The following PHC1 variants were observed in gnomAD, a reference collection of about 807,000 sequenced individuals.
The protein encoded by PHC1 is polyhomeotic-like protein 1.
In PHC1, 12 loss-of-function variants were observed where a neutral mutation model predicts 104.3. That is an observed-to-expected ratio of 0.12 (90% CI 0.07 to 0.19). PHC1 has a LOEUF of 0.19. PHC1 is among the 10% of genes least tolerant of loss of function. PHC1 has a pLI of 1.00. For synonymous variants in PHC1, 302 were observed against 455.8 expected, an observed-to-expected ratio of 0.66 and a Z score of 4.30; for missense variants, 671 against 1,200.0, an observed-to-expected ratio of 0.56 and a Z score of 6.51.
chr12:8,940,196 AGT>A lies in PHC1; in HGVS notation c.*743_*744del, dbSNP rs1253604770. Reference sequence around the variant, plus strand: ...CTGTCCTATAGCTTTATAAAACCAGAGTGTGTGGGGCTGAGGTCAGGAGTATA... The same window carrying A: ...CTGTCCTATAGCTTTATAAAACCAGAGTGTGGGGCTGAGGTCAGGAGTATA... On this transcript the variant is annotated 3_prime_UTR_variant, in exon 15 of 15. Coordinates refer to ENST00000544916, the MANE Select transcript of PHC1 (RefSeq NM_004426.3). The A allele has an allele frequency of 3.5e-6, 1 of 286,674 alleles. No homozygotes were observed. The highest frequency in any genetic ancestry group is 7.0e-6 in the Non-Finnish European group (1 of 142,802). 17.8% of individuals were successfully genotyped at this position (286,674 alleles called of 1,614,324 possible). A position where few individuals can be genotyped will look rare whatever the true frequency, so the allele number is the denominator to read the frequency against.
intron 6 of PHC1, among the ~76,000 whole-genome samples, chr12:8,929,047 A>G (rs1031172023): frequency 2.0e-5 from 3 of 152,202 alleles, no homozygotes; most frequent in African/African-American, 7.2e-5. Flanking sequence ...GTCTTGTGGA[A>G]TTCCTGGGTT....
At chr12:8,921,969 A>G (rs1945379686) in intron 5 of PHC1, among the ~76,000 whole-genome samples, 1 of 152,142 alleles carries the variant, frequency 6.6e-6, no homozygotes, top group Admixed American at 6.5e-5. Context: ...ATGCACCACT[A>G]TACCTGGCTA....
At chr12:8,933,584 T>C (rs1945751918) in intron 8 of PHC1, 2 of 641,460 alleles carry the variant, frequency 3.1e-6, no homozygotes, top group Non-Finnish European at 5.1e-6. Context: ...TAGATCAAGA[T>C]AGCCTTAACC....
chr12:8,921,713 C>T lies in PHC1; in HGVS notation c.419C>T (p.Pro140Leu). 2 of 1,613,054 alleles carry T rather than the reference C, an allele frequency of 1.2e-6. No individual in the cohort carries two copies. Among genetic ancestry groups the T allele is most frequent in the Non-Finnish European group, 1.7e-6 (2 of 1,179,496 alleles). ...QSVLLGNTTSPPLNQSQAQMY... is the reference protein window; with the variant it reads ...QSVLLGNTTSLPLNQSQAQMY... ...GTGCTACTGGGGAACACCACCTCCC[C>T]ACCCCTCAACCAGTCTCAGGCCCAG... is the stretch of plus-strand genomic sequence containing the variant. The change falls in exon 5 of 15, where the codon CCA (proline) becomes CTA (leucine). Residue 140 changes from proline (P) to leucine (L), a missense_variant. Transcript: ENST00000544916.
In PHC1 at chr12:8,919,667, A is replaced by T. The variant is rs1393311822; in HGVS notation, c.115-89A>T. The T allele has an allele frequency of 1.5e-6, 2 of 1,309,016 alleles. No homozygotes were observed. The highest frequency in any genetic ancestry group is 2.5e-5 in the East Asian group (1 of 40,006). 81.1% of individuals were successfully genotyped at this position (1,309,016 alleles called of 1,614,324 possible). On this transcript the variant is annotated intron_variant, in intron 2 of 14. Coordinates refer to ENST00000544916, the MANE Select transcript of PHC1 (RefSeq NM_004426.3). This position sits in a 1 kb window ranked among gnomAD's most constrained non-coding sequence, Gnocchi z 4.9. ...ATCTCCTCTGGTTTCTGTCCTTCCC[A>T]TGGCCCCCTTTCACACAAATACAGT...
intron 6 of PHC1, among the ~76,000 whole-genome samples, chr12:8,929,578 A>G (rs1192091259): frequency 6.7e-6 from 1 of 149,340 alleles, no homozygotes; most frequent in African/African-American, 2.5e-5. Context: ...CCCAGGCTGG[A>G]GTGCAGTGGC....
chr12:8,923,091 G>T (rs1945412137), intron 6 of PHC1, among the ~76,000 whole-genome samples: 1 of 152,102 alleles, frequency 6.6e-6, no homozygotes, highest in South Asian at 2.1e-4. Flanking sequence ...TATTCGGAGA[G>T]TCTTAATTCT....
chr12:8,925,438 T>A (rs1267989453), intron 6 of PHC1, among the ~76,000 whole-genome samples: 1 of 152,122 alleles, frequency 6.6e-6, no homozygotes, highest in Non-Finnish European at 1.5e-5. Flanking sequence ...GGGAAATAAT[T>A]GAGAAAGTAC....
At chr12:8,915,982 T>G (rs1367603036) in intron 1 of PHC1, 1 of 154,394 alleles carries the variant, frequency 6.5e-6, no homozygotes, top group African/African-American at 2.4e-5. Flanking sequence ...TCCAGTGAAC[T>G]AAATCCAGTA....
intron 11 of PHC1, among the ~76,000 whole-genome samples, chr12:8,936,468 A>G (rs1945841416): frequency 6.6e-6 from 1 of 152,202 alleles, no homozygotes; most frequent in African/African-American, 2.4e-5. Context: ...TTTATAATCT[A>G]TCTTAAGGAC....
Position 8,921,075 on chromosome 12 carries a change from C to T in PHC1, c.306+10C>T, listed in dbSNP as rs1262818414. On this transcript the variant is annotated intron_variant, in intron 4 of 14. Transcript: ENST00000544916. Reference sequence around the variant, plus strand: ...CACCACCCAGGCCTCGGTGAGTACGCCCTCTCCCACTGAGAGGCTTCTCTA... The same window carrying T: ...CACCACCCAGGCCTCGGTGAGTACGTCCTCTCCCACTGAGAGGCTTCTCTA... 1 of 1,596,648 alleles carries T rather than the reference C, an allele frequency of 6.3e-7. No homozygotes were observed. The highest frequency in any genetic ancestry group is 8.5e-7 in the Non-Finnish European group (1 of 1,170,354).
intron 11 of PHC1, among the ~76,000 whole-genome samples, chr12:8,936,531 T>C (rs1945843017): frequency 6.6e-6 from 1 of 152,230 alleles, no homozygotes; most frequent in African/African-American, 2.4e-5. Context: ...AAGGATCTTA[T>C]ATCTTTCTAG....
At chr12:8,931,024 T>G in intron 7 of PHC1, 97 bp downstream of exon 7, 1 of 1,271,174 alleles carries the variant, frequency 7.9e-7, no homozygotes, top group Non-Finnish European at 1.1e-6. Flanking sequence ...TTTTTGTTTT[T>G]TCCCCGCTTC....
At chr12:8,928,215 T>C (rs764927725) in intron 6 of PHC1, among the ~76,000 whole-genome samples, 6 of 152,188 alleles carry the variant, frequency 3.9e-5, no homozygotes, top group Non-Finnish European at 8.8e-5. Context: ...CCTATTGTAC[T>C]AGATTTCTAC....
chr12:8,937,511 G>T (rs1945873842), intron 13 of PHC1, among the ~76,000 whole-genome samples, 185 bp downstream of exon 13: 1 of 152,030 alleles, frequency 6.6e-6, no homozygotes, highest in Non-Finnish European at 1.5e-5. Flanking sequence ...CCAACTACTG[G>T]TTCATGTTTC....
Position 8,922,726 on chromosome 12 carries a change from G to T in PHC1, c.550G>T (p.Ala184Ser). 1 of 1,612,138 alleles carries T rather than the reference G, an allele frequency of 6.2e-7. No individual in the cohort carries two copies. The highest frequency in any genetic ancestry group is 8.5e-7 in the Non-Finnish European group (1 of 1,179,262). Residue 184 changes from alanine (A) to serine (S), a missense_variant, in exon 6 of 15, where the codon GCT (alanine) becomes TCT (serine). Coordinates refer to ENST00000544916, the MANE Select transcript of PHC1 (RefSeq NM_004426.3). ...CATCCTGATGCCTAATGGGGCGGTG[G>T]CTGCAGTCCAGCAGGAGGTGCCATC... ...QLILMPNGAV[A>S]AVQQEVPSAQ...
chr12:8,930,181 GA>G (rs1945641645), intron 6 of PHC1, among the ~76,000 whole-genome samples: 1 of 152,216 alleles, frequency 6.6e-6, no homozygotes, highest in Non-Finnish European at 1.5e-5. Context: ...GATAATTGAA[GA>G]GATATTTTGA....
chr12:8,919,626 T>G lies in PHC1; in HGVS notation c.115-130T>G. On this transcript the variant is annotated intron_variant, in intron 2 of 14. Transcript: ENST00000544916. This position sits in a 1 kb window ranked among gnomAD's most constrained non-coding sequence, Gnocchi z 4.9. ...ATGAAGGAAAATCAGCCGTTGACGA[T>G]TTAGCCCAAACTCCCATCTCCTCTG... is the stretch of plus-strand genomic sequence containing the variant. The G allele has an allele frequency of 9.0e-6, 8 of 889,336 alleles. No homozygotes were observed. In the South Asian group the frequency reaches 1.4e-4, roughly 16 times the overall value. 55.1% of individuals were successfully genotyped at this position (889,336 alleles called of 1,614,324 possible). A position where few individuals can be genotyped will look rare whatever the true frequency, so the allele number is the denominator to read the frequency against.
chr12:8,937,376 C>T, intron 13 of PHC1, 50 bp downstream of exon 13: 1 of 1,496,602 alleles, frequency 6.7e-7, no homozygotes, highest in South Asian at 1.3e-5. Context: ...GTCTTTTTTT[C>T]TTTCCCTGCA....
Sources: gnomAD v4.1 joint callset for allele counts (sites outside exome capture counted in the v4.1 genomes callset) on GRCh38, gnomAD v4.1.1 for gene constraint, Gnocchi (gnomAD v3.1) non-coding constraint, MANE v1.5 for transcripts, NCBI Gene and HGNC (gene_info 2026-07-23, HGNC 2026-07-21) for gene names.